The following SCN10A variants were observed in gnomAD, a reference collection of about 807,000 sequenced individuals.
The protein encoded by SCN10A is sodium channel protein type 10 subunit alpha.
In SCN10A, 162 loss-of-function variants were observed where a neutral mutation model predicts 170.7. That is an observed-to-expected ratio of 0.95 (90% confidence interval 0.84 to 1.08). The LOEUF is 1.08. SCN10A is among the 50% of genes least tolerant of loss of function. The probability of loss-of-function intolerance (pLI) is 0.00; values close to 1 mark genes in which losing one functional copy is unlikely to be tolerated. For synonymous variants in SCN10A, 985 were observed against 904.6 expected (o/e 1.09, Z -1.59); for missense variants, 2,527 against 2,436.9 (o/e 1.04, Z -0.78).
chr3:38,752,618 A>G, intron 11 of SCN10A, 106 bp from the exon 12 acceptor site: 1 of 898,862 alleles, frequency 1.1e-6, no homozygotes, highest in Non-Finnish European at 1.6e-6. Flanking sequence ...CCCTGTCTTT[A>G]TGACCTTTCA....
Position 38,755,923 on chromosome 3 carries a change from G to C in SCN10A, c.1326C>G (p.Leu442=). 1 of 1,614,226 alleles carries C rather than the reference G, an allele frequency of 6.2e-7. No individual in the cohort carries two copies. Among genetic ancestry groups the C allele is most frequent in the Non-Finnish European group, 8.5e-7 (1 of 1,180,038 alleles). ...TTAAAGGTGATCCATTGTGGGAGTG[G>C]AGAGAGGTTGTGTCAATCCCTAGTG... The part of the protein sequence containing the change: ...LAALGIDTTS[L]HSHNGSPLTS... Residue 442 remains leucine (L), a synonymous_variant, in exon 11 of 28, where the codon CTC becomes CTG. Coordinates refer to ENST00000449082, the MANE Select transcript of SCN10A (RefSeq NM_006514.4).
chr3:38,726,151 T>C (rs1302051875), intron 17 of SCN10A, among the ~76,000 whole-genome samples: 4 of 152,196 alleles, frequency 2.6e-5, no homozygotes, highest in Non-Finnish European at 5.9e-5. Flanking sequence ...AATTAGTTGG[T>C]GCCAAAAGGA....
At position 38,729,784 on chromosome 3, in the gene SCN10A, G is replaced by C. The variant is rs576442593; in HGVS notation, c.2281-883C>G. ...GGTGTGTTTATGGAGCACCTACTAA[G>C]AGCCAGGCTGTGGCTTAGGTGCTAG... On this transcript the variant is annotated intron_variant, in intron 15 of 27. Transcript: ENST00000449082. 9.8e-5 allele frequency among the ~76,000 whole-genome samples: 15 copies of C among 152,342 alleles called. No homozygotes were observed. The East Asian group carries it at 2.1e-3, about 22-fold the overall frequency.
intron 4 of SCN10A, among the ~76,000 whole-genome samples, chr3:38,786,629 T>TA (rs1451704928): frequency 1.3e-4 from 20 of 151,968 alleles, no homozygotes. Context: ...AAGTAAAATT[T>TA]AAAAAAGGGC....
At position 38,786,813 on chromosome 3, in the gene SCN10A, A is replaced by G. The variant is rs186099028; in HGVS notation, c.470+2143T>C. 1.2e-4 allele frequency among the ~76,000 whole-genome samples: 18 copies of G among 152,088 alleles called. No homozygotes were observed. In the East Asian group the frequency reaches 3.5e-3, roughly 29 times the overall value. On this transcript the variant is annotated intron_variant, in intron 4 of 27. Transcript: ENST00000449082. Reference sequence around the variant, plus strand: ...TGCTGTTCTGGGGTGCCACCTTTTCACACATTAGATGTTTACATATGTGTT... The same window carrying G: ...TGCTGTTCTGGGGTGCCACCTTTTCGCACATTAGATGTTTACATATGTGTT...
intron 1 of SCN10A, among the ~76,000 whole-genome samples, chr3:38,810,309 C>A (rs748231500): frequency 2.0e-5 from 3 of 152,124 alleles, no homozygotes. Context: ...TATGTAAATG[C>A]CAACCAGTAT....
chr3:38,807,643 C>T (rs1399594930), intron 1 of SCN10A, among the ~76,000 whole-genome samples: 3 of 152,034 alleles, frequency 2.0e-5, no homozygotes, highest in African/African-American at 7.2e-5. Context: ...TTTTATATCC[C>T]CTTGCATCAA....
intron 27 of SCN10A, among the ~76,000 whole-genome samples, chr3:38,698,780 C>T (rs1159172402): frequency 1.3e-5 from 2 of 152,170 alleles, no homozygotes; most frequent in Non-Finnish European, 2.9e-5. Context: ...CCGTCTTACC[C>T]TTCCTACCAT....
intron 13 of SCN10A, among the ~76,000 whole-genome samples, chr3:38,743,181 A>G (rs2063652695): frequency 6.6e-6 from 1 of 152,166 alleles, no homozygotes; most frequent in Admixed American, 6.5e-5. Context: ...CACTCAGAAT[A>G]TAGACTAGTT....
intron 1 of SCN10A, among the ~76,000 whole-genome samples, chr3:38,811,625 G>A (rs770305819): frequency 2.0e-5 from 3 of 152,100 alleles, no homozygotes; most frequent in Non-Finnish European, 4.4e-5. Flanking sequence ...TACCCACTTT[G>A]TCTGATTTAG....
At chr3:38,705,281 G>T (rs1282480017) in intron 26 of SCN10A, among the ~76,000 whole-genome samples, 1 of 152,026 alleles carries the variant, frequency 6.6e-6, no homozygotes, top group Non-Finnish European at 1.5e-5. Flanking sequence ...GGAGAGCCAC[G>T]TTCCTCCACT....
rs143523403 is a variant in SCN10A, at chr3:38,697,590, G to A, written c.5630C>T (p.Pro1877Leu). The A allele has an allele frequency of 3.0e-5, 48 of 1,614,082 alleles. No homozygotes were observed. The African/African-American group carries it at 6.1e-4, about 21-fold the overall frequency. ...LHRSMALSNT[P>L]CVPRAEEEAA... ...CTCCTCCTCAGCTCTGGGCACACAT[G>A]GGGTGTTAGAGAGTGCCATGGAGCG... is the stretch of plus-strand genomic sequence containing the variant. Residue 1877 changes from proline to leucine, a missense_variant, in exon 28 of 28, where the codon CCA (proline) becomes CTA (leucine). By Grantham distance (98) the Pro-to-Leu change is moderately conservative (BLOSUM62 -3). Transcript: ENST00000449082.
At position 38,746,966 on chromosome 3, in the gene SCN10A, A is replaced by G. The variant is rs546316704; in HGVS notation, c.1867+3107T>C. Among the ~76,000 whole-genome samples the G allele has an allele frequency of 1.1e-4, 17 of 152,296 alleles. No homozygotes were observed. In the South Asian group the frequency reaches 3.5e-3, roughly 32 times the overall value. The stretch of plus-strand genomic sequence containing the variant: ...TGGTTTGGGCCAAACTTTCTTAAGC[A>G]TAATCCCTCTTAAAGAGGTGGCCTT... On this transcript the variant is annotated intron_variant, in intron 13 of 27. Transcript: ENST00000449082.
In SCN10A at chr3:38,816,138, G is replaced by T. The variant is rs760983365; in HGVS notation, c.-134C>A. ...CACGAGCTCCTGGAACATACGTTCA[G>T]CTTAACATTCAGGCATAGCCAGAAG... On this transcript the variant is annotated 5_prime_UTR_variant, in exon 1 of 28. It adds an upstream start codon to the 5' untranslated region. Transcript: ENST00000449082. The T allele has an allele frequency of 7.9e-5, 12 of 152,208 alleles. No homozygotes were observed. Among genetic ancestry groups the T allele is most frequent in the Non-Finnish European group, 1.5e-4 (10 of 68,038 alleles). The allele number at this position is 152,208 out of a possible 1,614,324, so 9.4% of individuals were successfully genotyped here. A position where few individuals can be genotyped will look rare whatever the true frequency, so the allele number is the denominator to read the frequency against.
intron 26 of SCN10A, among the ~76,000 whole-genome samples, chr3:38,704,448 T>G (rs987121014): frequency 6.6e-6 from 1 of 152,214 alleles, no homozygotes; most frequent in Admixed American, 6.5e-5. Context: ...GCCCTGGATA[T>G]TCTGACTTTA....
chr3:38,717,068 T>C (rs2063341034), intron 21 of SCN10A, among the ~76,000 whole-genome samples: 2 of 152,008 alleles, frequency 1.3e-5, no homozygotes, highest in African/African-American at 4.8e-5. Context: ...GATTGGACAG[T>C]TGGATAGAAG....
chr3:38,753,994 C>T (rs2063775961), intron 11 of SCN10A, among the ~76,000 whole-genome samples: 1 of 152,162 alleles, frequency 6.6e-6, no homozygotes, highest in South Asian at 2.1e-4. Context: ...TGCATTAGGT[C>T]TATTTACCAC....
chr3:38,724,557 C>T (rs2063431908), intron 18 of SCN10A, among the ~76,000 whole-genome samples: 1 of 152,194 alleles, frequency 6.6e-6, no homozygotes, highest in South Asian at 2.1e-4. Flanking sequence ...TCACTACTCA[C>T]CTATAGAGAG....
At position 38,702,008 on chromosome 3, in the gene SCN10A, C is replaced by G; in HGVS notation, c.4488G>C (p.Glu1496Asp). 1 of 1,614,006 alleles carries G rather than the reference C, an allele frequency of 6.2e-7. No individual in the cohort carries two copies. Among genetic ancestry groups the G allele is most frequent in the Non-Finnish European group, 8.5e-7 (1 of 1,179,904 alleles). The change falls in exon 27 of 28, where the codon GAG becomes GAC. Residue 1496 changes from glutamate to aspartate, a missense_variant. Physicochemically the swap from Glu to Asp is conservative, Grantham distance 45. Coordinates refer to ENST00000449082, the MANE Select transcript of SCN10A (RefSeq NM_006514.4). ...TCTTTTCTTCACTTTGGTCATCAGT[C>G]TCCACCATCATGGTGATCATGTTGA... ...ICLNMITMMVETDDQSEEKTK... is the reference protein window; with the variant it reads ...ICLNMITMMVDTDDQSEEKTK...
Sources: gnomAD v4.1 joint callset for allele counts (sites outside exome capture counted in the v4.1 genomes callset) on GRCh38, gnomAD v4.1.1 for gene constraint, MANE v1.5 for transcripts, NCBI Gene and HGNC (gene_info 2026-07-23, HGNC 2026-07-21) for gene names.